CSMD1: variants seen among roughly 807,000 people sequenced by gnomAD.
CSMD1 encodes CUB and sushi domain-containing protein 1.
Under a neutral mutation model 417.5 loss-of-function variants are expected in CSMD1, and 213 were observed. The observed-to-expected ratio is 0.51, with a 90% CI of 0.46 to 0.57. The LOEUF (loss-of-function observed/expected upper bound fraction) is 0.57. Ranked by LOEUF, CSMD1 falls within the 20% of genes least tolerant of loss-of-function variation. CSMD1 has a pLI of 0.00. For synonymous variants in CSMD1, 2,862 were observed against 1,736.8 expected (o/e 1.65, Z -16.11); for missense variants, 6,923 against 4,529.7 (o/e 1.53, Z -15.17).
chr8:3,719,331 G>A (rs1009854739), intron 6 of CSMD1, among the ~76,000 whole-genome samples: 1 of 152,050 alleles, frequency 6.6e-6, no homozygotes, highest in Non-Finnish European at 1.5e-5. Flanking sequence ...TCTCACCCCT[G>A]AAATGTTCTG....
chr8:3,603,386 C>G (rs187391482), intron 8 of CSMD1, among the ~76,000 whole-genome samples: 1 of 152,114 alleles, frequency 6.6e-6, no homozygotes, highest in Admixed American at 6.6e-5. Flanking sequence ...GCGGCAGGCT[C>G]AAATACAGCA....
chr8:4,239,088 C>G (rs985442393), intron 3 of CSMD1, among the ~76,000 whole-genome samples: 1 of 152,150 alleles, frequency 6.6e-6, no homozygotes, highest in Non-Finnish European at 1.5e-5. Context: ...AAACTTATGT[C>G]ACATAGTATT....
intron 7 of CSMD1, among the ~76,000 whole-genome samples, chr8:3,645,969 GA>G (rs918095324): frequency 4.7e-5 from 7 of 150,516 alleles, no homozygotes; most frequent in East Asian, 3.9e-4. Flanking sequence ...ATTAAATTTA[GA>G]AAAAAACTAG....
At chr8:3,524,060 C>A (rs1012284765) in intron 10 of CSMD1, among the ~76,000 whole-genome samples, 26 of 132,924 alleles carry the variant, frequency 2.0e-4, no homozygotes, top group Middle Eastern at 4.1e-3. Flanking sequence ...CGTGCACACA[C>A]ATGCACACAC....
intron 26 of CSMD1, among the ~76,000 whole-genome samples, chr8:3,254,541 T>C (rs1800504646): frequency 6.6e-6 from 1 of 152,208 alleles, no homozygotes; most frequent in African/African-American, 2.4e-5. Flanking sequence ...TCTTTTCACA[T>C]AGTCCCATAT....
chr8:3,396,258 G>A lies in CSMD1; in HGVS notation c.2529C>T (p.Phe843=), dbSNP rs1268070924. 25 of 1,585,214 alleles carry A rather than the reference G, an allele frequency of 1.6e-5. No individual in the cohort carries two copies. The highest frequency in any genetic ancestry group is 1.8e-5 in the Admixed American group (1 of 55,536). The change falls in exon 17 of 70, where the codon TTC becomes TTT. Residue 843 remains phenylalanine, a synonymous_variant. Coordinates refer to ENST00000635120, the MANE Select transcript of CSMD1 (RefSeq NM_033225.6). Reference sequence around the variant, plus strand: ...TGTCAGTGGTGAACAGCAGGTACATGAAGTTCCCGGTGCTGATGAGGAACT... The same window carrying A: ...TGTCAGTGGTGAACAGCAGGTACATAAAGTTCCCGGTGCTGATGAGGAACT... ...APQFLISTGN[F]MYLLFTTDNS... is the part of the protein sequence containing the mutation.
rs1278333538 is a variant in CSMD1 at position 3,127,124 on chromosome 8, A to G, written c.6242-8537T>C. Among the ~76,000 whole-genome samples the G allele has an allele frequency of 5.3e-5, 8 of 152,206 alleles. No individual in the cohort carries two copies. In the East Asian group the frequency reaches 1.5e-3, roughly 29 times the overall value. Reference sequence around the variant, plus strand: ...GTCCTAGTTTCTAAGAGTCTTGTCCACAAACTAAGGGGAATCTTAGCCTTT... The same window carrying G: ...GTCCTAGTTTCTAAGAGTCTTGTCCGCAAACTAAGGGGAATCTTAGCCTTT... On this transcript the variant is annotated intron_variant, in intron 41 of 69. Transcript: ENST00000635120.
chr8:4,038,988 C>T (rs545887975), intron 3 of CSMD1, among the ~76,000 whole-genome samples: 7 of 152,324 alleles, frequency 4.6e-5, no homozygotes, highest in African/African-American at 1.7e-4. Flanking sequence ...TTTAACCCAG[C>T]TGTTTCAATG....
intron 1 of CSMD1, among the ~76,000 whole-genome samples, chr8:4,820,881 G>C (rs931911475): frequency 6.6e-6 from 1 of 152,140 alleles, no homozygotes; most frequent in East Asian, 1.9e-4. Context: ...TTTATATGGA[G>C]GTGATTTGAG....
In CSMD1 at chr8:4,867,776, A is replaced by G. The variant is rs186920023; in HGVS notation, c.85+126556T>C. Among the ~76,000 whole-genome samples, 3 of 152,116 alleles carry G rather than the reference A, an allele frequency of 2.0e-5. No individual in the cohort carries two copies. In the East Asian group the frequency reaches 5.8e-4, roughly 29 times the overall value. On this transcript the variant is annotated intron_variant, in intron 1 of 69. Coordinates refer to ENST00000635120, the MANE Select transcript of CSMD1 (RefSeq NM_033225.6). Reference sequence around the variant, plus strand: ...AGGTTTTTAGTAGCTTAAAGATAAGAGTGTTTTGATCCCTCTAATAAATAC... The same window carrying G: ...AGGTTTTTAGTAGCTTAAAGATAAGGGTGTTTTGATCCCTCTAATAAATAC...
intron 46 of CSMD1, among the ~76,000 whole-genome samples, chr8:3,103,105 T>G (rs1585355184): frequency 6.6e-6 from 1 of 152,216 alleles, no homozygotes; most frequent in Non-Finnish European, 1.5e-5. Context: ...AGACCTTAGC[T>G]GTAGATTTTA....
intron 28 of CSMD1, among the ~76,000 whole-genome samples, chr8:3,221,974 C>T (rs1585699992): frequency 6.6e-6 from 1 of 152,116 alleles, no homozygotes; most frequent in Non-Finnish European, 1.5e-5. Context: ...CAGCGCCAGC[C>T]TCCTGCTTGG....
chr8:4,014,571 A>T (rs530281815), intron 4 of CSMD1, among the ~76,000 whole-genome samples: 1 of 152,202 alleles, frequency 6.6e-6, no homozygotes, highest in Non-Finnish European at 1.5e-5. Flanking sequence ...CACCTGGATC[A>T]TCTCATCTAA....
At chr8:3,167,155 T>C (rs1462073976) in intron 37 of CSMD1, among the ~76,000 whole-genome samples, 5 of 151,994 alleles carry the variant, frequency 3.3e-5, no homozygotes, top group African/African-American at 4.8e-5. Context: ...CGTGGTGGCA[T>C]GTGCCTGTAA....
At chr8:3,392,008 A>G (rs1181413036) in intron 17 of CSMD1, among the ~76,000 whole-genome samples, 1 of 151,718 alleles carries the variant, frequency 6.6e-6, no homozygotes, top group East Asian at 1.9e-4. Context: ...TCACAAAGAC[A>G]AAAAACCAAA....
chr8:4,544,993 T>C (rs188051024), intron 2 of CSMD1, among the ~76,000 whole-genome samples: 182 of 152,354 alleles, frequency 1.2e-3, no homozygotes, highest in African/African-American at 4.0e-3. Context: ...TCGTAATGCA[T>C]TTTACTCTAT....
chr8:4,125,365 C>T (rs914014940), intron 3 of CSMD1, among the ~76,000 whole-genome samples: 2 of 152,196 alleles, frequency 1.3e-5, no homozygotes, highest in Admixed American at 6.5e-5. Flanking sequence ...CTACTTGTGA[C>T]CTGCAGGTCC....
At chr8:3,281,800 C>T (rs1341634172) in intron 26 of CSMD1, among the ~76,000 whole-genome samples, 4 of 152,116 alleles carry the variant, frequency 2.6e-5, no homozygotes, top group African/African-American at 2.4e-5. Flanking sequence ...CGTCCCCACC[C>T]ATGTTGAATT....
intron 7 of CSMD1, among the ~76,000 whole-genome samples, chr8:3,700,823 T>A (rs958471259): frequency 6.6e-6 from 1 of 152,016 alleles, no homozygotes; most frequent in Non-Finnish European, 1.5e-5. Context: ...TGGGTCTTCA[T>A]AAGGAATTTG....
Sources: gnomAD v4.1 joint callset for allele counts (sites outside exome capture counted in the v4.1 genomes callset) on GRCh38, gnomAD v4.1.1 for gene constraint, MANE v1.5 for transcripts, NCBI Gene and HGNC (gene_info 2026-07-23, HGNC 2026-07-21) for gene names.